NOL10: variants seen among roughly 807,000 people sequenced by gnomAD.
NOL10 encodes nucleolar protein 10.
Under a neutral mutation model 103.5 loss-of-function variants are expected in NOL10, and 58 were observed. The ratio of observed to expected loss-of-function variants is 0.56; its 90% CI spans 0.45 to 0.70. The LOEUF is 0.70. Ranked by LOEUF, NOL10 falls within the 30% of genes least tolerant of loss-of-function variation. NOL10 has a pLI of 0.00. For synonymous variants in NOL10, 287 were observed against 282.5 expected, an observed-to-expected ratio of 1.02 and a Z score of -0.16; for missense variants, 763 against 807.3, an observed-to-expected ratio of 0.95 and a Z score of 0.67.
At chr2:10,631,981 C>T (rs555193278) in intron 13 of NOL10, among the ~76,000 whole-genome samples, 1 of 152,234 alleles carries the variant, frequency 6.6e-6, no homozygotes, top group East Asian at 1.9e-4. Flanking sequence ...CCCAGAGTGC[C>T]TTTCTATATT....
intron 10 of NOL10, among the ~76,000 whole-genome samples, chr2:10,658,210 G>C (rs766605107): frequency 6.6e-6 from 1 of 152,224 alleles, no homozygotes; most frequent in Non-Finnish European, 1.5e-5. Context: ...ACCAGGCAGT[G>C]TCATAGCAAC....
In NOL10 at chr2:10,633,527, G is replaced by A. The variant is rs1210540276; in HGVS notation, c.1026+10793C>T. Among the ~76,000 whole-genome samples the A allele has an allele frequency of 2.0e-5, 3 of 151,814 alleles. No individual in the cohort carries two copies. In the East Asian group the frequency reaches 5.8e-4, roughly 29 times the overall value. ...CAGTGGCTGGGGATTTGGTTTAACA[G>A]CCCATAAGTTATTCCCCATTTATGG... On this transcript the variant is annotated intron_variant, in intron 13 of 20. Transcript: ENST00000381685.
intron 2 of NOL10, among the ~76,000 whole-genome samples, chr2:10,682,502 C>T (rs1681847465): frequency 6.6e-6 from 1 of 150,540 alleles, no homozygotes; most frequent in African/African-American, 2.4e-5. Flanking sequence ...CGGGCTGAAG[C>T]GATCCTCACA....
chr2:10,684,087 T>C (rs1406572056), intron 2 of NOL10, among the ~76,000 whole-genome samples: 1 of 152,028 alleles, frequency 6.6e-6, no homozygotes, highest in Non-Finnish European at 1.5e-5. Context: ...GAGACCAGCC[T>C]GACCAACATG....
chr2:10,657,924 A>T (rs927797887), intron 10 of NOL10, 33 bp from the exon 11 acceptor site: 8 of 1,452,100 alleles, frequency 5.5e-6, no homozygotes, highest in Non-Finnish European at 6.5e-6. Flanking sequence ...TAAACAAACT[A>T]GACATTTTAT....
rs375113629 is a variant in NOL10 at position 10,616,779 on chromosome 2, G to A, written c.1027-9468C>T. ...GCCCAGGCTGGTCTTGAACTCCTGA[G>A]CTATAGTGATCCACTGGCCTCGGCC... On this transcript the variant is annotated intron_variant, in intron 13 of 20. Coordinates refer to ENST00000381685, the MANE Select transcript of NOL10 (RefSeq NM_024894.4). Among the ~76,000 whole-genome samples, 135 of 150,410 alleles carry A rather than the reference G, an allele frequency of 9.0e-4. 1 individual carries two copies. In the Middle Eastern group the frequency reaches 0.011, roughly 12 times the overall value.
chr2:10,624,250 T>C (rs1322835662), intron 13 of NOL10, among the ~76,000 whole-genome samples: 3 of 150,888 alleles, frequency 2.0e-5, no homozygotes, highest in South Asian at 2.1e-4. Context: ...CACAGGACAA[T>C]AGTGGAGGGA....
chr2:10,673,181 T>C (rs1323664683), intron 5 of NOL10: 1 of 190,250 alleles, frequency 5.3e-6, no homozygotes, highest in Admixed American at 6.1e-5. Context: ...GGCAAATAAA[T>C]CTAGGTTAAA....
intron 19 of NOL10, among the ~76,000 whole-genome samples, chr2:10,587,542 A>G (rs959087686): frequency 3.3e-5 from 5 of 151,480 alleles, no homozygotes; most frequent in East Asian, 1.9e-4. Flanking sequence ...AAGTGCTAGG[A>G]TTACAGGCGT....
Position 10,586,979 on chromosome 2 carries a change from A to ATTT in NOL10, c.1844+2063_1844+2064insAAA, listed in dbSNP as rs1675056700. Among the ~76,000 whole-genome samples, 3 of 148,310 alleles carry ATTT rather than the reference A, an allele frequency of 2.0e-5. No individual in the cohort carries two copies. The Admixed American group carries it at 2.0e-4, about 10-fold the overall frequency. The stretch of plus-strand genomic sequence containing the variant: ...AAAAAAAAAATGAAGTTTTCAGGAA[A>ATTT]TCAAAAGTTGTATGTGTTAGGTCTA... On this transcript the variant is annotated intron_variant, in intron 19 of 20. Transcript: ENST00000381685.
chr2:10,572,607 CA>C (rs1200271016), intron 20 of NOL10, among the ~76,000 whole-genome samples: 1 of 152,154 alleles, frequency 6.6e-6, no homozygotes, highest in Non-Finnish European at 1.5e-5. Flanking sequence ...TCTTTGTTTA[CA>C]AACTAGAGCC....
intron 11 of NOL10, among the ~76,000 whole-genome samples, chr2:10,655,964 G>C (rs1679821658): frequency 6.6e-6 from 1 of 152,184 alleles, no homozygotes; most frequent in Non-Finnish European, 1.5e-5. Context: ...AAGGAAAAGA[G>C]GGGAAACCAG....
chr2:10,619,820 C>CA (rs1677032698), intron 13 of NOL10, among the ~76,000 whole-genome samples: 2 of 152,330 alleles, frequency 1.3e-5, no homozygotes, highest in South Asian at 4.1e-4. Context: ...CGGCTACAAA[C>CA]AGTCATTTGA....
At position 10,684,261 on chromosome 2, in the gene NOL10, AG is replaced by A. The variant is rs575855617; in HGVS notation, c.112+305del. Among the ~76,000 whole-genome samples the A allele has an allele frequency of 2.7e-3, 390 of 142,228 alleles. 2 individuals are homozygous for A. Among genetic ancestry groups the A allele is most frequent in the Middle Eastern group, 0.011 (3 of 270 alleles). 93.3% of individuals were successfully genotyped at this position (142,228 alleles called of 152,430 possible). On this transcript the variant is annotated intron_variant, in intron 2 of 20. Transcript: ENST00000381685. The stretch of plus-strand genomic sequence containing the variant: ...ATTGCACTCCAGCCTGGGCAATAAG[AG>A]TGAAACTCCATCTCAAAAAAAAAAA...
rs545620870 is a variant in NOL10 at position 10,633,374 on chromosome 2, T to C, written c.1026+10946A>G. Among the ~76,000 whole-genome samples, 14 of 151,854 alleles carry C rather than the reference T, an allele frequency of 9.2e-5. 1 individual carries two copies. In the South Asian group the frequency reaches 2.7e-3, roughly 29 times the overall value. ...AAAGGCTCTAATTTTAAATTTCTTA[T>C]CTAATAAAGCTTATGTAATATATAA... On this transcript the variant is annotated intron_variant, in intron 13 of 20. Transcript: ENST00000381685.
chr2:10,638,029 C>T (rs922853312), intron 13 of NOL10, among the ~76,000 whole-genome samples: 2 of 152,066 alleles, frequency 1.3e-5, no homozygotes, highest in East Asian at 3.8e-4. Context: ...CACCTGTAAT[C>T]CCAACACTTT....
chr2:10,664,223 G>C (rs912041416), intron 8 of NOL10, among the ~76,000 whole-genome samples: 1 of 152,084 alleles, frequency 6.6e-6, no homozygotes, highest in Non-Finnish European at 1.5e-5. Flanking sequence ...CTGAGGTCAG[G>C]AGTTCGAGAC....
intron 12 of NOL10, among the ~76,000 whole-genome samples, chr2:10,648,524 A>G (rs1014750741): frequency 6.6e-6 from 1 of 152,172 alleles, no homozygotes; most frequent in Non-Finnish European, 1.5e-5. Context: ...AGTAACAGTC[A>G]TTCCTTTGTC....
At chr2:10,598,065 A>G (rs916981133) in intron 17 of NOL10, among the ~76,000 whole-genome samples, 2 of 152,358 alleles carry the variant, frequency 1.3e-5, no homozygotes, top group South Asian at 4.1e-4. Context: ...AGGAGTAGCT[A>G]AGGAATGCAG....
Sources: allele counts gnomAD v4.1 joint callset (sites outside exome capture counted in the v4.1 genomes callset), GRCh38; gene constraint gnomAD v4.1.1; transcripts MANE v1.5; gene names NCBI Gene and HGNC (gene_info 2026-07-23, HGNC 2026-07-21).